HECTD3: variants seen among roughly 807,000 people sequenced by gnomAD.
The protein encoded by HECTD3 is HECT domain E3 ubiquitin protein ligase 3, also known as E3 ubiquitin-protein ligase HECTD3.
Under a neutral mutation model 109.3 loss-of-function variants are expected in HECTD3, and 72 were observed. The ratio of observed to expected loss-of-function variants is 0.66; its 90% CI spans 0.54 to 0.80. The LOEUF is 0.80. Among genes scored for constraint, HECTD3 ranks in the 30% least tolerant of loss-of-function variants. The pLI is 0.00. For synonymous variants in HECTD3, 481 were observed against 471.8 expected, an observed-to-expected ratio of 1.02 and a Z score of -0.25; for missense variants, 1,041 against 1,165.2, an observed-to-expected ratio of 0.89 and a Z score of 1.55.
In HECTD3 at chr1:45,010,904, C is replaced by A; in HGVS notation, c.354G>T (p.Trp118Cys). ...AAGAGCGCACCTTTGTCAGCTTCAC[C>A]CAGAGCCCGTGGCCATTGCACAGCT... is the stretch of plus-strand genomic sequence containing the variant. Reference protein sequence around the residue: ...GEELCNGHGLWVKLTKEQLAE... With the variant: ...GEELCNGHGLCVKLTKEQLAE... Residue 118 changes from tryptophan (W) to cysteine (C), a missense_variant, in exon 1 of 21, where the codon TGG becomes TGT. By Grantham distance (215) the Trp-to-Cys change is radical (BLOSUM62 -2). Coordinates refer to ENST00000372172, the MANE Select transcript of HECTD3 (RefSeq NM_024602.6). The A allele has an allele frequency of 6.5e-7, 1 of 1,538,922 alleles. No individual in the cohort carries two copies. The highest frequency in any genetic ancestry group is 8.7e-7 in the Non-Finnish European group (1 of 1,154,278).
intron 2 of HECTD3, 35 bp from the exon 3 acceptor site, chr1:45,010,328 C>T: frequency 6.3e-7 from 1 of 1,590,942 alleles, no homozygotes; most frequent in Non-Finnish European, 8.6e-7. Flanking sequence ...GATGGGGAGA[C>T]ATCAGCGGTC....
Position 45,004,711 on chromosome 1 carries a change from T to C in HECTD3, c.2031A>G (p.Gln677=), listed in dbSNP as rs375865947. ...ELTFTTVLSD[Q]QVVELIPGGA... The stretch of plus-strand genomic sequence containing the variant: ...CCCCAGGGATCAGCTCCACCACCTG[T>C]TGGTCACTCAGTACAGTGGTGAATG... Residue 677 remains glutamine (Q), a synonymous_variant, in exon 16 of 21, where the codon CAA becomes CAG. Transcript: ENST00000372172. 8.7e-6 allele frequency: 14 copies of C among 1,614,094 alleles called. 1 individual carries two copies. Among genetic ancestry groups the C allele is most frequent in the Admixed American group, 3.3e-5 (2 of 60,010 alleles).
rs1246640580 is a variant in HECTD3 at position 45,003,619 on chromosome 1, G to T, written c.2502-43C>A. The T allele has an allele frequency of 1.2e-6, 2 of 1,613,534 alleles. No individual in the cohort carries two copies. Among genetic ancestry groups the T allele is most frequent in the South Asian group, 2.2e-5 (2 of 91,070 alleles). Reference sequence around the variant, plus strand: ...TGGTCAGGTCCCTACATCGCTACCAGGGGTGATGGGGTCCCCTGGGCCCCA... The same window carrying T: ...TGGTCAGGTCCCTACATCGCTACCATGGGTGATGGGGTCCCCTGGGCCCCA... On this transcript the variant is annotated intron_variant, in intron 20 of 20. Coordinates refer to ENST00000372172, the MANE Select transcript of HECTD3 (RefSeq NM_024602.6). The surrounding 1 kb of genome is among the most constrained non-coding windows in gnomAD (Gnocchi z 4.7).
intron 6 of HECTD3, 23 bp downstream of exon 6, chr1:45,009,346 C>T (rs1644763399): frequency 6.3e-7 from 1 of 1,584,934 alleles, no homozygotes; most frequent in East Asian, 2.2e-5. Context: ...GCCCTACTTC[C>T]CTCCCCAGGC....
At chr1:45,009,834 G>T in intron 4 of HECTD3, 151 bp from the exon 5 acceptor site, 2 of 1,103,002 alleles carry the variant, frequency 1.8e-6, no homozygotes, top group Middle Eastern at 2.8e-4. Context: ...TATGTAAGGG[G>T]TCCTATAGAC....
chr1:45,003,578 T>C lies in HECTD3; in HGVS notation c.2502-2A>G, dbSNP rs764291434. On this transcript the variant is annotated splice_acceptor_variant, in intron 20 of 20. Coordinates refer to ENST00000372172, the MANE Select transcript of HECTD3 (RefSeq NM_024602.6). LOFTEE classifies it high-confidence loss of function. This position sits in a 1 kb window ranked among gnomAD's most constrained non-coding sequence, Gnocchi z 4.7. ...AGCTTCTCCTCGCATACCTTGGCACTGTGGGAATGGGGACTTGGTCAGGTC... is the reference window on the plus strand; with the variant it reads ...AGCTTCTCCTCGCATACCTTGGCACCGTGGGAATGGGGACTTGGTCAGGTC... 2 of 1,614,160 alleles carry C rather than the reference T, an allele frequency of 1.2e-6. No homozygotes were observed. Among genetic ancestry groups the C allele is most frequent in the Non-Finnish European group, 8.5e-7 (1 of 1,179,996 alleles).
rs1394885932 is a variant in HECTD3, at chr1:45,006,473, TTTTTTA to T, written c.1725+213_1725+218del. Among the ~76,000 whole-genome samples, 1 of 152,110 alleles carries T rather than the reference TTTTTTA, an allele frequency of 6.6e-6. No homozygotes were observed. The highest frequency in any genetic ancestry group is 1.9e-4 in the East Asian group (1 of 5,180). On this transcript the variant is annotated intron_variant, in intron 13 of 20. Coordinates refer to ENST00000372172, the MANE Select transcript of HECTD3 (RefSeq NM_024602.6). The surrounding 1 kb of genome is among the most constrained non-coding windows in gnomAD (Gnocchi z 4.7). ...GGCGCGTGCCACCACGCCCGGCTAA[TTTTTTA>T]TTTTTATAGAGATGGGGCTTCACTT...
In HECTD3 at chr1:45,010,236, C is replaced by G; in HGVS notation, c.588G>C (p.Pro196=). 1 of 1,614,056 alleles carries G rather than the reference C, an allele frequency of 6.2e-7. No homozygotes were observed. The change falls in exon 3 of 21, where the codon CCG becomes CCC. Residue 196 remains proline, a synonymous_variant. Coordinates refer to ENST00000372172, the MANE Select transcript of HECTD3 (RefSeq NM_024602.6). ...YSHRLGSRPQ[P]AEAYAEAVQR... The stretch of plus-strand genomic sequence containing the variant: ...GTACAGCTTCTGCGTATGCCTCTGC[C>G]GGCTGAGGTCTCGATCCCAGGCGAT...
In HECTD3 at chr1:45,003,590, G is replaced by C; in HGVS notation, c.2502-14C>G. On this transcript the variant is annotated splice_polypyrimidine_tract_variant and intron_variant, in intron 20 of 20. Transcript: ENST00000372172. The surrounding 1 kb of genome is among the most constrained non-coding windows in gnomAD (Gnocchi z 4.7). ...CATACCTTGGCACTGTGGGAATGGGGACTTGGTCAGGTCCCTACATCGCTA... is the reference window on the plus strand; with the variant it reads ...CATACCTTGGCACTGTGGGAATGGGCACTTGGTCAGGTCCCTACATCGCTA... 1 of 1,614,090 alleles carries C rather than the reference G, an allele frequency of 6.2e-7. No individual in the cohort carries two copies. The highest frequency in any genetic ancestry group is 8.5e-7 in the Non-Finnish European group (1 of 1,179,942).
Position 45,011,038 on chromosome 1 carries a change from G to A in HECTD3, c.220C>T (p.Arg74Cys). Residue 74 changes from arginine (R) to cysteine (C), a missense_variant, in exon 1 of 21, where the codon CGT becomes TGT. By Grantham distance (180) the Arg-to-Cys change is radical. Coordinates refer to ENST00000372172, the MANE Select transcript of HECTD3 (RefSeq NM_024602.6). Reference protein sequence around the residue: ...PVWEAEGLGLRVGAAGPAPGT... With the variant: ...PVWEAEGLGLCVGAAGPAPGT... ...GGGGCTGGGCCTGCGGCGCCCACAC[G>A]CAGCCCCAGGCCCTCTGCCTCCCAC... 7.1e-7 allele frequency: 1 copy of A among 1,416,810 alleles called. No individual in the cohort carries two copies. The allele number at this position is 1,416,810 out of a possible 1,614,324, so 87.8% of individuals were successfully genotyped here. A position where few individuals can be genotyped will look rare whatever the true frequency, so the allele number is the denominator to read the frequency against.
At position 45,003,460 on chromosome 1, in the gene HECTD3, A is replaced by C; in HGVS notation, c.*32T>G. The C allele has an allele frequency of 6.3e-7, 1 of 1,593,594 alleles. No homozygotes were observed. The highest frequency in any genetic ancestry group is 8.6e-7 in the Non-Finnish European group (1 of 1,161,616). ...GGGCAAGGCCAAGAGGGACACGTGC[A>C]GTCTTGCTGGTCCCACAGCCGGCGG... On this transcript the variant is annotated 3_prime_UTR_variant, in exon 21 of 21. Coordinates refer to ENST00000372172, the MANE Select transcript of HECTD3 (RefSeq NM_024602.6). This position sits in a 1 kb window ranked among gnomAD's most constrained non-coding sequence, Gnocchi z 4.7.
intron 3 of HECTD3, 38 bp downstream of exon 3, chr1:45,010,163 A>T (rs1401260787): frequency 6.2e-7 from 1 of 1,613,890 alleles, no homozygotes; most frequent in South Asian, 1.1e-5. Flanking sequence ...GCCCAGACGC[A>T]GAGCTCCTTC....
rs909451372 is a variant in HECTD3, at chr1:45,008,290, G to A, written c.1270C>T (p.His424Tyr). 3 of 1,614,002 alleles carry A rather than the reference G, an allele frequency of 1.9e-6. No individual in the cohort carries two copies. The African/African-American group carries it at 4.0e-5, about 22-fold the overall frequency. The change falls in exon 9 of 21, where the codon CAC becomes TAC. Residue 424 changes from histidine to tyrosine, a missense_variant. Around this residue, in one of 2 missense-constraint regions of HECTD3, gnomAD observed 569 missense variants for 715.3 expected, o/e 0.80. Transcript: ENST00000372172. ...GTGTGGTCCCAGGCAGGTACCAGGT[G>A]GTGCAGGACACTATCGAGGATCTTG... is the stretch of plus-strand genomic sequence containing the variant. The part of the protein sequence containing the change: ...FIKILDSVLH[H>Y]LVPAWDHTLG...
chr1:45,008,468 T>C, intron 8 of HECTD3, 68 bp downstream of exon 8: 1 of 1,562,622 alleles, frequency 6.4e-7, no homozygotes, highest in South Asian at 1.1e-5. Context: ...GGGAACCTCC[T>C]CCATGCAGAC....
Position 45,006,842 on chromosome 1 carries a change from C to A in HECTD3, c.1622-47G>T. On this transcript the variant is annotated intron_variant, in intron 12 of 20. Transcript: ENST00000372172. The surrounding 1 kb of genome is among the most constrained non-coding windows in gnomAD (Gnocchi z 4.7). ...GCTGGGCACTCAAGAGCCCAGCTCC[C>A]ATAATGGGGTAATGAATAGGTCCCC... is the stretch of plus-strand genomic sequence containing the variant. 6.3e-7 allele frequency: 1 copy of A among 1,594,830 alleles called. No homozygotes were observed.
intron 15 of HECTD3, 173 bp downstream of exon 15, chr1:45,005,621 A>G (rs1354921358): frequency 1.9e-6 from 1 of 529,890 alleles, no homozygotes; most frequent in African/African-American, 1.9e-5. Context: ...GGCTGGGGCT[A>G]GAGGTCAGGA....
rs534479063 is a variant in HECTD3 at position 45,010,010 on chromosome 1, C to G, written c.735G>C (p.Glu245Asp). The change falls in exon 4 of 21, where the codon GAG becomes GAC. Residue 245 changes from glutamate to aspartate, a missense_variant. This residue lies in a region of HECTD3 where 472 missense variants were observed against 449.9 expected (regional missense o/e 1.05). Transcript: ENST00000372172. Reference sequence around the variant, plus strand: ...CCGTGTAGGAGGAAACGTCTATGCTCTCCACATACTGCTTCACGCTACCCA... The same window carrying G: ...CCGTGTAGGAGGAAACGTCTATGCTGTCCACATACTGCTTCACGCTACCCA... ...ENLGSVKQYV[E>D]SIDVSSYTEE... is the part of the protein sequence containing the mutation. The G allele has an allele frequency of 1.3e-6, 2 of 1,548,270 alleles. No homozygotes were observed. The highest frequency in any genetic ancestry group is 1.4e-5 in the African/African-American group (1 of 73,200).
In HECTD3 at chr1:45,007,267, T is replaced by C; in HGVS notation, c.1508A>G (p.Tyr503Cys). 6.2e-7 allele frequency: 1 copy of C among 1,613,298 alleles called. No individual in the cohort carries two copies. Among genetic ancestry groups the C allele is most frequent in the South Asian group, 1.1e-5 (1 of 90,990 alleles). Residue 503 changes from tyrosine to cysteine, a missense_variant, in exon 11 of 21, where the codon TAT becomes TGT. By Grantham distance (194) the Tyr-to-Cys change is radical. Transcript: ENST00000372172. ...ACKNAVFTQV[Y>C]EGLKPSDKYE... ...TTTGTCAGAGGGCTTGAGGCCTTCA[T>C]ATACCTGGAGGCAAGGAGGAAAGGA...
In HECTD3 at chr1:45,006,857, A is replaced by G; in HGVS notation, c.1622-62T>C. Reference sequence around the variant, plus strand: ...GCCCAGCTCCCATAATGGGGTAATGAATAGGTCCCCCATCATCATTAGCTG... The same window carrying G: ...GCCCAGCTCCCATAATGGGGTAATGGATAGGTCCCCCATCATCATTAGCTG... On this transcript the variant is annotated intron_variant, in intron 12 of 20. Coordinates refer to ENST00000372172, the MANE Select transcript of HECTD3 (RefSeq NM_024602.6). The surrounding 1 kb of genome is among the most constrained non-coding windows in gnomAD (Gnocchi z 4.7). 6.3e-7 allele frequency: 1 copy of G among 1,588,346 alleles called. No individual in the cohort carries two copies. The highest frequency in any genetic ancestry group is 1.3e-5 in the African/African-American group (1 of 74,412).
Sources: allele counts gnomAD v4.1 joint callset (sites outside exome capture counted in the v4.1 genomes callset), GRCh38; gene constraint gnomAD v4.1.1; regional missense constraint gnomAD v4.1.1; non-coding constraint Gnocchi (gnomAD v3.1); transcripts MANE v1.5; gene names NCBI Gene and HGNC (gene_info 2026-07-23, HGNC 2026-07-21).